The following DGKG variants were observed in gnomAD, a reference collection of about 807,000 sequenced individuals.
DGKG encodes diacylglycerol kinase gamma, also known as DAG kinase gamma.
A neutral mutation model predicts 105.3 loss-of-function variants in DGKG; 78 were observed. The observed-to-expected ratio is 0.74, with a 90% CI of 0.62 to 0.89. DGKG has a LOEUF of 0.89. DGKG is among the 40% of genes least tolerant of loss of function. The probability of loss-of-function intolerance (pLI) is 0.00; values close to 1 mark genes in which losing one functional copy is unlikely to be tolerated. For missense variants in DGKG, 958 were observed against 1,020.1 expected, an observed-to-expected ratio of 0.94 and a Z score of 0.83; for synonymous variants, 346 against 367.1, an observed-to-expected ratio of 0.94 and a Z score of 0.66.
At chr3:186,251,665 G>A in intron 19 of DGKG, 94 bp downstream of exon 19, 1 of 1,463,274 alleles carries the variant, frequency 6.8e-7, no homozygotes, top group Non-Finnish European at 9.5e-7. Context: ...GGTAAGACAG[G>A]TAGACACTAG....
intron 1 of DGKG, among the ~76,000 whole-genome samples, chr3:186,356,124 C>A (rs1449485755): frequency 6.6e-6 from 1 of 152,142 alleles, no homozygotes; most frequent in African/African-American, 2.4e-5. Flanking sequence ...GTACAGAAAG[C>A]TGAATAAATT....
rs1378888114 is a variant in DGKG at position 186,361,198 on chromosome 3, G to T, written c.-249+748C>A. Among the ~76,000 whole-genome samples the T allele has an allele frequency of 6.6e-6, 1 of 152,212 alleles. No homozygotes were observed. The highest frequency in any genetic ancestry group is 1.9e-4 in the East Asian group (1 of 5,202). On this transcript the variant is annotated intron_variant, in intron 1 of 24. Coordinates refer to ENST00000265022, the MANE Select transcript of DGKG (RefSeq NM_001346.3). This position sits in a 1 kb window ranked among gnomAD's most constrained non-coding sequence, Gnocchi z 6.8. The stretch of plus-strand genomic sequence containing the variant: ...GGCAGCACGTCAAATCACCTGTAGG[G>T]CTTTTTAGAACTCCACAGCCCCCTC...
Position 186,148,694 on chromosome 3 carries a change from T to A in DGKG, c.*1396A>T. ...ACTTTTCTGAGACTCAATTTTCTTA[T>A]CTGACAAATGGGAGAGTAAATCCAG... On this transcript the variant is annotated 3_prime_UTR_variant, in exon 25 of 25. Transcript: ENST00000265022. 2 of 984,836 alleles carry A rather than the reference T, an allele frequency of 2.0e-6. No homozygotes were observed. Among genetic ancestry groups the A allele is most frequent in the Non-Finnish European group, 2.4e-6 (2 of 829,430 alleles). 61.0% of individuals were successfully genotyped at this position (984,836 alleles called of 1,614,324 possible).
chr3:186,265,419 G>A, intron 13 of DGKG, 113 bp from the exon 14 acceptor site: 1 of 938,786 alleles, frequency 1.1e-6, no homozygotes, highest in Admixed American at 2.1e-5. Context: ...GAAAGCTAGT[G>A]TAGTATGGAG....
In DGKG at chr3:186,344,476, G is replaced by A. The variant is rs146122658; in HGVS notation, c.-249+17470C>T. Among the ~76,000 whole-genome samples the A allele has an allele frequency of 9.3e-3, 1,423 of 152,270 alleles. 7 individuals carry two copies. Among genetic ancestry groups the A allele is most frequent in the Non-Finnish European group, 0.015 (1,029 of 68,016 alleles). ...ATGGATGGATACTTAGCAAAGTAAC[G>A]CAGGAACAGAAAACCAAATGCTACA... On this transcript the variant is annotated intron_variant, in intron 1 of 24. Transcript: ENST00000265022.
chr3:186,355,275 AGC>A (rs1726876107), intron 1 of DGKG, among the ~76,000 whole-genome samples: 1 of 72,518 alleles, frequency 1.4e-5, no homozygotes, highest in Non-Finnish European at 3.4e-5. Context: ...CACTACCACC[AGC>A]ACGATCATCA....
intron 20 of DGKG, among the ~76,000 whole-genome samples, chr3:186,242,087 C>G (rs770098120): frequency 6.6e-6 from 1 of 152,152 alleles, no homozygotes; most frequent in Non-Finnish European, 1.5e-5. Context: ...CATTTGAGAC[C>G]GACAGAAGCT....
At chr3:186,357,705 T>G (rs960679113) in intron 1 of DGKG, among the ~76,000 whole-genome samples, 1 of 152,196 alleles carries the variant, frequency 6.6e-6, no homozygotes, top group Non-Finnish European at 1.5e-5. Flanking sequence ...CTCCTTTATC[T>G]TTCTCTCCCT....
At chr3:186,183,159 A>ACT (rs1717439423) in intron 22 of DGKG, among the ~76,000 whole-genome samples, 1 of 152,180 alleles carries the variant, frequency 6.6e-6, no homozygotes, top group South Asian at 2.1e-4. Context: ...GACACACAGT[A>ACT]GACTCCCTAA....
intron 19 of DGKG, among the ~76,000 whole-genome samples, chr3:186,246,008 G>A (rs146423649): frequency 2.4e-4 from 36 of 152,060 alleles, no homozygotes; most frequent in Middle Eastern, 6.8e-3. Context: ...GTCTCACTCC[G>A]TTGCCCAGCC....
Position 186,247,066 on chromosome 3 carries a change from G to A in DGKG, c.1762-4498C>T, listed in dbSNP as rs2108557708. Among the ~76,000 whole-genome samples, 3 of 152,258 alleles carry A rather than the reference G, an allele frequency of 2.0e-5. 1 individual carries two copies. The South Asian group carries it at 6.2e-4, about 32-fold the overall frequency. On this transcript the variant is annotated intron_variant, in intron 19 of 24. Transcript: ENST00000265022. ...TAATCTAAAAATAAAGAACAGGGAG[G>A]AGCAGGCCAGAGAAGTCAGAGGAAG...
intron 19 of DGKG, among the ~76,000 whole-genome samples, chr3:186,244,004 C>G (rs577009811): frequency 6.9e-6 from 1 of 144,074 alleles, no homozygotes; most frequent in Non-Finnish European, 1.5e-5. Flanking sequence ...TCAGGCAATT[C>G]TTCTGGCTCA....
Position 186,149,545 on chromosome 3 carries a change from G to A in DGKG, c.*545C>T, listed in dbSNP as rs1256420972. 12 of 985,520 alleles carry A rather than the reference G, an allele frequency of 1.2e-5. No individual in the cohort carries two copies. Among genetic ancestry groups the A allele is most frequent in the African/African-American group, 1.7e-5 (1 of 57,364 alleles). The allele number at this position is 985,520 out of a possible 1,614,324, so 61.0% of individuals were successfully genotyped here. The stretch of plus-strand genomic sequence containing the variant: ...ACGGAGAAGTTGTCACTCAAAGGAC[G>A]ACCAAGAAACCAACGTGCGCCTGCT... On this transcript the variant is annotated 3_prime_UTR_variant, in exon 25 of 25. Coordinates refer to ENST00000265022, the MANE Select transcript of DGKG (RefSeq NM_001346.3).
At chr3:186,327,487 G>T (rs747404467) in intron 1 of DGKG, among the ~76,000 whole-genome samples, 1 of 151,170 alleles carries the variant, frequency 6.6e-6, no homozygotes, top group African/African-American at 2.4e-5. Flanking sequence ...CCTGGGTTAA[G>T]CAATCCTCCC....
At chr3:186,281,864 G>C (rs963439561) in intron 7 of DGKG, among the ~76,000 whole-genome samples, 3 of 152,162 alleles carry the variant, frequency 2.0e-5, no homozygotes, top group African/African-American at 7.2e-5. Context: ...AAAAGAAAAA[G>C]TTCCCCTGAG....
chr3:186,245,932 C>CA (rs56678357), intron 19 of DGKG, among the ~76,000 whole-genome samples: 202 of 147,272 alleles, frequency 1.4e-3, no homozygotes, highest in East Asian at 4.3e-3. Flanking sequence ...ACAACAACAA[C>CA]AAAAAAAAAC....
In DGKG at chr3:186,211,100, C is replaced by T. The variant is rs150059240; in HGVS notation, c.1917+695G>A. On this transcript the variant is annotated intron_variant, in intron 21 of 24. Transcript: ENST00000265022. The stretch of plus-strand genomic sequence containing the variant: ...GTCTGAGGCAGGCCCCTACAAGTGC[C>T]GGAAGAGTTAGTGAAACACAAGTGC... 3.0e-3 allele frequency among the ~76,000 whole-genome samples: 456 copies of T among 152,244 alleles called. 6 individuals carry two copies. The highest frequency in any genetic ancestry group is 0.01 in the African/African-American group (430 of 41,540).
At chr3:186,289,964 T>C (rs1358109766) in intron 5 of DGKG, among the ~76,000 whole-genome samples, 1 of 152,092 alleles carries the variant, frequency 6.6e-6, no homozygotes, top group South Asian at 2.1e-4. Flanking sequence ...AGGGATTCAG[T>C]TGTGGGTCTG....
chr3:186,186,272 G>A (rs1172240011), intron 22 of DGKG, among the ~76,000 whole-genome samples: 1 of 152,142 alleles, frequency 6.6e-6, no homozygotes, highest in African/African-American at 2.4e-5. Flanking sequence ...TGTCAGCGGA[G>A]TTTTGTTTTC....
Sources: allele counts gnomAD v4.1 joint callset (sites outside exome capture counted in the v4.1 genomes callset), GRCh38; gene constraint gnomAD v4.1.1; non-coding constraint Gnocchi (gnomAD v3.1); transcripts MANE v1.5; gene names NCBI Gene and HGNC (gene_info 2026-07-23, HGNC 2026-07-21).